The following FNBP1 variants were observed in gnomAD, a reference collection of about 807,000 sequenced individuals.
The protein encoded by FNBP1 is formin-binding protein 1.
A neutral mutation model predicts 90.6 loss-of-function variants in FNBP1; 26 were observed. That is an observed-to-expected ratio of 0.29 (90% CI 0.21 to 0.40). The LOEUF (loss-of-function observed/expected upper bound fraction) is 0.40, where lower values mean the gene tolerates loss of function less well. Among genes scored for constraint, FNBP1 ranks in the 10% least tolerant of loss-of-function variants. The pLI is 1.00. For missense variants in FNBP1, 635 were observed against 768.0 expected (o/e 0.83, Z 2.05); for synonymous variants, 260 against 265.2 (o/e 0.98, Z 0.19).
chr9:129,956,194 A>C (rs968625212), intron 6 of FNBP1, among the ~76,000 whole-genome samples: 14 of 152,168 alleles, frequency 9.2e-5, no homozygotes, highest in Admixed American at 3.3e-4. Flanking sequence ...ATATTTAATA[A>C]TTTTAGAGAA....
Position 129,927,208 on chromosome 9 carries a change from A to G in FNBP1, c.776T>C (p.Ile259Thr). The change falls in exon 8 of 17, where the codon ATT becomes ACT. Residue 259 changes from isoleucine (I) to threonine (T), a missense_variant. Transcript: ENST00000446176. ...GGCAATACTTACATTTTTCTGATCA[A>G]TTGATTCGGCTGCTTTTACTATTCC... is the stretch of plus-strand genomic sequence containing the variant. Reference protein sequence around the residue: ...LDGIVKAAESIDQKNDSQLVI... With the variant: ...LDGIVKAAESTDQKNDSQLVI... The G allele has an allele frequency of 6.2e-7, 1 of 1,613,812 alleles. No homozygotes were observed. Among genetic ancestry groups the G allele is most frequent in the South Asian group, 1.1e-5 (1 of 91,020 alleles).
chr9:129,930,514 T>C (rs1408685977), intron 6 of FNBP1, among the ~76,000 whole-genome samples: 1 of 152,232 alleles, frequency 6.6e-6, no homozygotes, highest in Non-Finnish European at 1.5e-5. Context: ...TGGCAACTTC[T>C]TTATGCTTTT....
At chr9:129,931,000 A>T (rs914562053) in intron 6 of FNBP1, among the ~76,000 whole-genome samples, 2 of 152,180 alleles carry the variant, frequency 1.3e-5, no homozygotes, top group African/African-American at 4.8e-5. Flanking sequence ...TACTGAACCA[A>T]TGTTTCAGAA....
intron 12 of FNBP1, among the ~76,000 whole-genome samples, chr9:129,904,195 C>T (rs1457297857): frequency 6.6e-6 from 1 of 152,190 alleles, no homozygotes; most frequent in Non-Finnish European, 1.5e-5. Flanking sequence ...TAACACACAC[C>T]CATTTCCACT....
rs1338484185 is a variant in FNBP1, at chr9:129,957,557, T to G, written c.409-93A>C. 1 of 922,186 alleles carries G rather than the reference T, an allele frequency of 1.1e-6. No homozygotes were observed. The highest frequency in any genetic ancestry group is 1.6e-6 in the Non-Finnish European group (1 of 624,924). 57.1% of individuals were successfully genotyped at this position (922,186 alleles called of 1,614,324 possible). A position where few individuals can be genotyped will look rare whatever the true frequency, so the allele number is the denominator to read the frequency against. ...CTCCCAAAGAGCATTGTTCTTTTTC[T>G]TTTTTTTTTCTTCAGTCAGGGTCTC... On this transcript the variant is annotated intron_variant, in intron 5 of 16. Coordinates refer to ENST00000446176, the MANE Select transcript of FNBP1 (RefSeq NM_015033.3). This position sits in a 1 kb window ranked among gnomAD's most constrained non-coding sequence, Gnocchi z 4.3.
rs1045629812 is a variant in FNBP1, at chr9:130,041,740, C to A, written c.24+1212G>T. ...CAACCGTAGCTGCTTCTGTACCTAA[C>A]AAATGGTTATGTAAAAACAATTAAA... is the stretch of plus-strand genomic sequence containing the variant. On this transcript the variant is annotated intron_variant, in intron 1 of 16. Transcript: ENST00000446176. This position sits in a 1 kb window ranked among gnomAD's most constrained non-coding sequence, Gnocchi z 4.3. Among the ~76,000 whole-genome samples the A allele has an allele frequency of 6.6e-6, 1 of 152,138 alleles. No individual in the cohort carries two copies. The highest frequency in any genetic ancestry group is 2.4e-5 in the African/African-American group (1 of 41,434).
chr9:129,970,607 A>C (rs2049307835), intron 4 of FNBP1, among the ~76,000 whole-genome samples: 1 of 152,166 alleles, frequency 6.6e-6, no homozygotes, highest in African/African-American at 2.4e-5. Flanking sequence ...TTTGTCCTTT[A>C]ATTCCGTTTT....
At chr9:129,899,832 G>A (rs2036567098) in intron 15 of FNBP1, 133 bp downstream of exon 15, 1 of 725,102 alleles carries the variant, frequency 1.4e-6, no homozygotes, top group South Asian at 2.9e-5. Context: ...GGAAGGGAAG[G>A]TAGGAAGGAA....
intron 2 of FNBP1, among the ~76,000 whole-genome samples, chr9:129,991,673 T>C (rs1268301826): frequency 6.7e-6 from 1 of 148,860 alleles, no homozygotes; most frequent in Non-Finnish European, 1.5e-5. Context: ...TTTTTTTTTT[T>C]CTTTGAGATG....
At chr9:130,000,334 T>G (rs1334906945) in intron 1 of FNBP1, among the ~76,000 whole-genome samples, 3 of 151,734 alleles carry the variant, frequency 2.0e-5, no homozygotes, top group Non-Finnish European at 4.4e-5. Context: ...TTACTAAAAA[T>G]ACAAAAATTA....
At chr9:129,908,805 A>C in intron 12 of FNBP1, 85 bp downstream of exon 12, 1 of 820,276 alleles carries the variant, frequency 1.2e-6, no homozygotes, top group Admixed American at 2.1e-5. Flanking sequence ...CACCCACCGC[A>C]GCCTCCCAAA....
At chr9:129,916,828 G>T (rs1207243438) in intron 10 of FNBP1, among the ~76,000 whole-genome samples, 1 of 152,136 alleles carries the variant, frequency 6.6e-6, no homozygotes, top group Non-Finnish European at 1.5e-5. Flanking sequence ...ACAAAGGGCT[G>T]ACTAGCATTG....
At chr9:130,018,271 A>G (rs920471209) in intron 1 of FNBP1, among the ~76,000 whole-genome samples, 6 of 151,298 alleles carry the variant, frequency 4.0e-5, no homozygotes, top group Non-Finnish European at 5.9e-5. Flanking sequence ...GTGTGTGTGT[A>G]TGTGTATATA....
chr9:129,900,517 G>C lies in FNBP1; in HGVS notation c.1459C>G (p.Pro487Ala). Residue 487 changes from proline to alanine, a missense_variant, in exon 14 of 17, where the codon CCA (proline) becomes GCA (alanine). Coordinates refer to ENST00000446176, the MANE Select transcript of FNBP1 (RefSeq NM_015033.3). The surrounding 1 kb of genome is among the most constrained non-coding windows in gnomAD (Gnocchi z 4.1). Reference sequence around the variant, plus strand: ...CGGCGCGCCTGCTCGCTGCGTGCTGGGAGCCGGCCTTCAACCTCAGCCAGC... The same window carrying C: ...CGGCGCGCCTGCTCGCTGCGTGCTGCGAGCCGGCCTTCAACCTCAGCCAGC... ...AWLAEVEGRL[P>A]ARSEQARRQS... is the part of the protein sequence containing the mutation. 6.3e-7 allele frequency: 1 copy of C among 1,586,492 alleles called. No individual in the cohort carries two copies. The highest frequency in any genetic ancestry group is 8.6e-7 in the Non-Finnish European group (1 of 1,169,192).
At chr9:129,895,525 T>C in intron 16 of FNBP1, 2 of 1,211,186 alleles carry the variant, frequency 1.7e-6, no homozygotes, top group South Asian at 4.1e-5. Context: ...TGCAACTTTT[T>C]TTTTAATCTA....
At chr9:130,024,945 C>T (rs1043289698) in intron 1 of FNBP1, among the ~76,000 whole-genome samples, 35 of 152,180 alleles carry the variant, frequency 2.3e-4, no homozygotes, top group East Asian at 1.4e-3. Context: ...TTTGGGAGGC[C>T]GAGGTGGGTG....
intron 6 of FNBP1, among the ~76,000 whole-genome samples, chr9:129,934,574 G>T (rs965544245): frequency 4.7e-5 from 3 of 64,122 alleles, no homozygotes; most frequent in African/African-American, 1.7e-4. Flanking sequence ...TCACTTCTTG[G>T]TAATTTTTTT....
In FNBP1 at chr9:129,997,502, G is replaced by A. The variant is rs541811914; in HGVS notation, c.25-2544C>T. On this transcript the variant is annotated intron_variant, in intron 1 of 16. Coordinates refer to ENST00000446176, the MANE Select transcript of FNBP1 (RefSeq NM_015033.3). ...TATTTATAAAGTCAAGGGTCATCAAGTAAGCTAATAGTGTAAACGAGACTG... is the reference window on the plus strand; with the variant it reads ...TATTTATAAAGTCAAGGGTCATCAAATAAGCTAATAGTGTAAACGAGACTG... Among the ~76,000 whole-genome samples, 4 of 152,246 alleles carry A rather than the reference G, an allele frequency of 2.6e-5. No individual in the cohort carries two copies. The South Asian group carries it at 8.3e-4, about 32-fold the overall frequency.
chr9:129,923,173 A>G lies in FNBP1; in HGVS notation c.1170+671T>C, dbSNP rs78862343. Among the ~76,000 whole-genome samples, 630 of 152,236 alleles carry G rather than the reference A, an allele frequency of 4.1e-3. 6 individuals are homozygous for G. Among genetic ancestry groups the G allele is most frequent in the African/African-American group, 0.014 (576 of 41,534 alleles). ...CTATCACGCCCAGTCTCAGGTCGCT[A>G]GTTTTAGAAATGAAATCTAAGTGGT... On this transcript the variant is annotated intron_variant, in intron 10 of 16. Coordinates refer to ENST00000446176, the MANE Select transcript of FNBP1 (RefSeq NM_015033.3).
Sources: gnomAD v4.1 joint callset for allele counts (sites outside exome capture counted in the v4.1 genomes callset) on GRCh38, gnomAD v4.1.1 for gene constraint, Gnocchi (gnomAD v3.1) non-coding constraint, MANE v1.5 for transcripts, NCBI Gene and HGNC (gene_info 2026-07-23, HGNC 2026-07-21) for gene names.